Variants in SDK1 observed in about 807,000 individuals in gnomAD.
The protein encoded by SDK1 is sidekick cell adhesion molecule 1, also known as protein sidekick-1.
In SDK1, 157 loss-of-function variants were observed where a neutral mutation model predicts 245.5. The observed-to-expected ratio is 0.64, with a 90% confidence interval of 0.56 to 0.73. The LOEUF is 0.73. Ranked by LOEUF, SDK1 falls within the 30% of genes least tolerant of loss-of-function variation. SDK1 has a pLI of 0.00. For missense variants in SDK1, 3,583 were observed against 3,002.3 expected (o/e 1.19, Z -4.52); for synonymous variants, 1,647 against 1,278.5 (o/e 1.29, Z -6.15).
chr7:3,822,161 T>A (rs1405433588), intron 5 of SDK1, among the ~76,000 whole-genome samples: 1 of 152,216 alleles, frequency 6.6e-6, no homozygotes, highest in Non-Finnish European at 1.5e-5. Context: ...ATGTTTGGAC[T>A]TTAAATTCTA....
rs552887335 is a variant in SDK1, at chr7:3,993,520, A to T, written c.2131+6198A>T. Among the ~76,000 whole-genome samples the T allele has an allele frequency of 2.6e-5, 4 of 152,312 alleles. No individual in the cohort carries two copies. In the East Asian group the frequency reaches 7.7e-4, roughly 29 times the overall value. On this transcript the variant is annotated intron_variant, in intron 14 of 44. Transcript: ENST00000404826. ...GTGATTCCCTATTATACCTTGTAAT[A>T]TTTAAATTTAATTAAAATGTAAAAT...
rs927176840 is a variant in SDK1, at chr7:3,641,949, T to C, written c.566-9T>C. 3 of 1,608,252 alleles carry C rather than the reference T, an allele frequency of 1.9e-6. No homozygotes were observed. The African/African-American group carries it at 4.0e-5, about 22-fold the overall frequency. The stretch of plus-strand genomic sequence containing the variant: ...TCTAGAACTTGAAAGCACTTCTTTT[T>C]CTCTGCAGATATGGGAAGTTTCATG... On this transcript the variant is annotated splice_polypyrimidine_tract_variant and intron_variant, in intron 3 of 44. Coordinates refer to ENST00000404826, the MANE Select transcript of SDK1 (RefSeq NM_152744.4).
chr7:4,015,345 A>G (rs1022450280), intron 16 of SDK1, among the ~76,000 whole-genome samples: 1 of 152,200 alleles, frequency 6.6e-6, no homozygotes, highest in Non-Finnish European at 1.5e-5. Flanking sequence ...CGGCATCCTC[A>G]TTCTGTCATA....
chr7:3,552,944 T>C (rs1401452072), intron 1 of SDK1, among the ~76,000 whole-genome samples: 3 of 152,232 alleles, frequency 2.0e-5, no homozygotes, highest in East Asian at 1.9e-4. Context: ...TACACAGTTA[T>C]AAGTTGTATA....
intron 22 of SDK1, among the ~76,000 whole-genome samples, chr7:4,088,668 C>A (rs1299433115): frequency 6.6e-6 from 1 of 152,060 alleles, no homozygotes; most frequent in African/African-American, 2.4e-5. Context: ...GTTCACACTG[C>A]CCTTCTGTTT....
At chr7:4,050,166 C>A (rs1468710126) in intron 18 of SDK1, among the ~76,000 whole-genome samples, 1 of 152,224 alleles carries the variant, frequency 6.6e-6, no homozygotes, top group East Asian at 1.9e-4. Flanking sequence ...AAGCTCTATA[C>A]AGTGAAGGGA....
rs142420519 is a variant in SDK1, at chr7:3,510,199, G to C, written c.299-108881G>C. ...GCTTTAATTCAAACCATTATGTGCT[G>C]CTAGTCACTGTGGTGTGGGAGCAGC... On this transcript the variant is annotated intron_variant, in intron 1 of 44. Transcript: ENST00000404826. 1.4e-3 allele frequency among the ~76,000 whole-genome samples: 218 copies of C among 152,312 alleles called. 1 individual carries two copies. Among genetic ancestry groups the C allele is most frequent in the Non-Finnish European group, 2.1e-3 (145 of 68,024 alleles).
chr7:4,165,098 A>C lies in SDK1; in HGVS notation c.4800+3242A>C, dbSNP rs945212957. On this transcript the variant is annotated intron_variant, in intron 32 of 44. Transcript: ENST00000404826. ...TTTTAGTAATTACTTTAAAAATGCA[A>C]ACACAGGGCCAGCACTTTGGGAGGC... Among the ~76,000 whole-genome samples the C allele has an allele frequency of 4.6e-5, 7 of 152,100 alleles. No homozygotes were observed. The South Asian group carries it at 1.5e-3, about 32-fold the overall frequency.
chr7:3,412,932 T>C (rs1779254688), intron 1 of SDK1, among the ~76,000 whole-genome samples: 1 of 152,242 alleles, frequency 6.6e-6, no homozygotes, highest in African/African-American at 2.4e-5. Flanking sequence ...TATTTGGTTC[T>C]AGGGAATCAG....
At chr7:4,039,885 C>G (rs190760848) in intron 17 of SDK1, among the ~76,000 whole-genome samples, 2 of 151,568 alleles carry the variant, frequency 1.3e-5, no homozygotes, top group Admixed American at 1.3e-4. Context: ...TAAGGAACAC[C>G]TAATACCAGA....
At chr7:3,651,654 C>G (rs1358086706) in intron 4 of SDK1, among the ~76,000 whole-genome samples, 1 of 152,140 alleles carries the variant, frequency 6.6e-6, no homozygotes, top group Admixed American at 6.5e-5. Context: ...AAGATGATGA[C>G]TCTTCACAGT....
intron 5 of SDK1, among the ~76,000 whole-genome samples, chr7:3,831,382 G>C (rs1007652714): frequency 1.5e-4 from 23 of 152,242 alleles, no homozygotes; most frequent in African/African-American, 4.3e-4. Flanking sequence ...AATGAGTTCA[G>C]TATTCTGAAG....
At chr7:4,128,383 C>G (rs1784531626) in intron 26 of SDK1, among the ~76,000 whole-genome samples, 1 of 152,242 alleles carries the variant, frequency 6.6e-6, no homozygotes, top group Admixed American at 6.5e-5. Flanking sequence ...GTGACCAAAA[C>G]TTCACACCAC....
intron 29 of SDK1, among the ~76,000 whole-genome samples, chr7:4,146,515 C>G (rs1438598126): frequency 2.0e-5 from 3 of 152,244 alleles, no homozygotes; most frequent in African/African-American, 7.2e-5. Flanking sequence ...CACCTTCAGC[C>G]TCACACCTGC....
chr7:3,751,546 C>A (rs772363427), intron 4 of SDK1, among the ~76,000 whole-genome samples: 1 of 152,154 alleles, frequency 6.6e-6, no homozygotes, highest in Non-Finnish European at 1.5e-5. Flanking sequence ...CCTGGCCATC[C>A]CGTCATTGCC....
intron 1 of SDK1, among the ~76,000 whole-genome samples, chr7:3,445,662 T>C (rs1053619275): frequency 1.3e-5 from 2 of 152,172 alleles, no homozygotes; most frequent in Non-Finnish European, 2.9e-5. Flanking sequence ...TGTGGTTCTA[T>C]GTCATTTTAT....
At chr7:3,643,564 G>C (rs1325970602) in intron 4 of SDK1, 1 of 82,508 alleles carries the variant, frequency 1.2e-5, no homozygotes. Flanking sequence ...CATCTGTGGA[G>C]TCCCTTCCCT....
chr7:3,334,959 A>C (rs866078066), intron 1 of SDK1, among the ~76,000 whole-genome samples: 5 of 152,102 alleles, frequency 3.3e-5, no homozygotes, highest in Non-Finnish European at 5.9e-5. Flanking sequence ...TCAGGCCCCA[A>C]ATCTTGGAGT....
At chr7:3,514,416 T>C (rs569914625) in intron 1 of SDK1, among the ~76,000 whole-genome samples, 2 of 152,320 alleles carry the variant, frequency 1.3e-5, no homozygotes, top group South Asian at 4.1e-4. Context: ...CTGTTTTTGA[T>C]AGAAAATCCA....
Sources: gnomAD v4.1 joint callset for allele counts (sites outside exome capture counted in the v4.1 genomes callset) on GRCh38, gnomAD v4.1.1 for gene constraint, MANE v1.5 for transcripts, NCBI Gene and HGNC (gene_info 2026-07-23, HGNC 2026-07-21) for gene names.